MYH11: variants seen among roughly 807,000 people sequenced by gnomAD.
MYH11 encodes the protein myosin heavy chain 11.
Under a neutral mutation model 246.6 loss-of-function variants are expected in MYH11, and 80 were observed. The observed-to-expected ratio is 0.32, with a 90% CI of 0.27 to 0.39. The LOEUF (loss-of-function observed/expected upper bound fraction) is 0.39. Among genes scored for constraint, MYH11 ranks in the 10% least tolerant of loss-of-function variants. The pLI is 1.00. For synonymous variants in MYH11, 1,071 were observed against 1,015.5 expected (o/e 1.05, Z -1.04); for missense variants, 2,158 against 2,546.8 (o/e 0.85, Z 3.29).
intron 1 of MYH11, among the ~76,000 whole-genome samples, chr16:15,845,577 G>T (rs1268252762): frequency 6.6e-6 from 1 of 152,138 alleles, no homozygotes; most frequent in Non-Finnish European, 1.5e-5. Flanking sequence ...GATACGACGC[G>T]TCTTCTTTTA....
At chr16:15,846,675 C>T (rs2044198237) in intron 1 of MYH11, among the ~76,000 whole-genome samples, 1 of 152,154 alleles carries the variant, frequency 6.6e-6, no homozygotes, top group Non-Finnish European at 1.5e-5. Flanking sequence ...ACAGCAAGAC[C>T]CATCTCTAAG....
Position 15,737,544 on chromosome 16 carries a change from G to A in MYH11, c.3198C>T (p.Asp1066=), listed in dbSNP as rs757270167. The A allele has an allele frequency of 2.5e-6, 4 of 1,614,032 alleles. No individual in the cohort carries two copies. In the East Asian group the frequency reaches 6.7e-5, roughly 27 times the overall value. ...LKRKLEGDAS[D]FHEQIADLQA... Reference sequence around the variant, plus strand: ...GGAGGTCAGCGATCTGCTCGTGGAAGTCGCTGGCATCACCCTCCAGCTTCC... The same window carrying A: ...GGAGGTCAGCGATCTGCTCGTGGAAATCGCTGGCATCACCCTCCAGCTTCC... The change falls in exon 25 of 41, where the codon GAC becomes GAT. Residue 1066 remains aspartate, a synonymous_variant. Transcript: ENST00000300036.
chr16:15,717,015 A>T, intron 38 of MYH11, 125 bp downstream of exon 38: 2 of 1,013,688 alleles, frequency 2.0e-6, no homozygotes, highest in Non-Finnish European at 1.6e-6. Flanking sequence ...CCTGCACTGT[A>T]GGCATCACAG....
intron 3 of MYH11, among the ~76,000 whole-genome samples, chr16:15,803,047 G>GA (rs2042923665): frequency 6.6e-6 from 1 of 151,752 alleles, no homozygotes; most frequent in African/African-American, 2.4e-5. Context: ...TAAGGCAGGA[G>GA]AATCACTTGA....
chr16:15,844,885 A>C (rs1157352892), intron 1 of MYH11, among the ~76,000 whole-genome samples: 1 of 152,170 alleles, frequency 6.6e-6, no homozygotes, highest in Non-Finnish European at 1.5e-5. Flanking sequence ...AGAACATTTC[A>C]TAAATATAGG....
At position 15,732,547 on chromosome 16, in the gene MYH11, T is replaced by C. The variant is rs2040996567; in HGVS notation, c.3651+17A>G. ...TCTTATGTGTCATCACCAAAAAGCA[T>C]CACCAAAAAGCATTACCCTCTTGAA... On this transcript the variant is annotated intron_variant, in intron 27 of 40. Transcript: ENST00000300036. 3 of 1,614,016 alleles carry C rather than the reference T, an allele frequency of 1.9e-6. No homozygotes were observed. The highest frequency in any genetic ancestry group is 1.6e-4 in the Middle Eastern group (1 of 6,084).
At chr16:15,707,017 C>T (rs773587581) in intron 40 of MYH11, among the ~76,000 whole-genome samples, 1 of 152,094 alleles carries the variant, frequency 6.6e-6, no homozygotes, top group Non-Finnish European at 1.5e-5. Context: ...TAAAGGTTTT[C>T]TTAAAGGGTC....
rs34772774 is a variant in MYH11 at position 15,751,609 on chromosome 16, C to CTT, written c.1865-1280_1865-1279dup. Among the ~76,000 whole-genome samples, 1,013 of 116,286 alleles carry CTT rather than the reference C, an allele frequency of 8.7e-3. 57 individuals carry two copies. The highest frequency in any genetic ancestry group is 0.03 in the African/African-American group (803 of 27,174). 76.3% of individuals were successfully genotyped at this position (116,286 alleles called of 152,430 possible). On this transcript the variant is annotated intron_variant, in intron 15 of 40. Transcript: ENST00000300036. The stretch of plus-strand genomic sequence containing the variant: ...TTCTACTCAGATTCTGTGTAACAAT[C>CTT]TTTTTTTTTTTTTTTTTTTTTTGAG...
intron 3 of MYH11, among the ~76,000 whole-genome samples, chr16:15,803,873 T>A (rs1223444719): frequency 6.6e-6 from 1 of 152,154 alleles, no homozygotes; most frequent in Non-Finnish European, 1.5e-5. Flanking sequence ...CTGGGAGACC[T>A]CTGGCCTGAC....
intron 1 of MYH11, among the ~76,000 whole-genome samples, chr16:15,838,856 C>CAAAA (rs10573476): frequency 1.1e-5 from 1 of 88,890 alleles, no homozygotes; most frequent in East Asian, 3.1e-4. Flanking sequence ...GACTCCATCT[C>CAAAA]AAAAAAAAAA....
chr16:15,718,613 G>T, intron 36 of MYH11, 175 bp from the exon 37 acceptor site: 1 of 989,474 alleles, frequency 1.0e-6, no homozygotes, highest in Non-Finnish European at 1.5e-6. Flanking sequence ...GGACAGCCGG[G>T]ACTCAGGCCG....
At position 15,759,715 on chromosome 16, in the gene MYH11, A is replaced by G. The variant is rs777822332; in HGVS notation, c.1262T>C (p.Val421Ala). 13 of 1,614,064 alleles carry G rather than the reference A, an allele frequency of 8.1e-6. No individual in the cohort carries two copies. In the East Asian group the frequency reaches 2.5e-4, roughly 30 times the overall value. The change falls in exon 12 of 41, where the codon GTA becomes GCA. Residue 421 changes from valine (V) to alanine (A), a missense_variant. Transcript: ENST00000300036. ...ATATGTTGCCTTGGCCAAAGCCTCTACAGCAAAGTCAGCCTGCAGAGGGCA... is the reference window on the plus strand; with the variant it reads ...ATATGTTGCCTTGGCCAAAGCCTCTGCAGCAAAGTCAGCCTGCAGAGGGCA... ...AQTKEQADFA[V>A]EALAKATYER...
chr16:15,828,295 G>A (rs2043625304), intron 2 of MYH11, among the ~76,000 whole-genome samples: 1 of 152,156 alleles, frequency 6.6e-6, no homozygotes, highest in Non-Finnish European at 1.5e-5. Flanking sequence ...CTCAATCAAT[G>A]TTATTTAGTG....
chr16:15,735,599 A>G, intron 25 of MYH11, 21 bp from the exon 26 acceptor site: 2 of 1,613,732 alleles, frequency 1.2e-6, no homozygotes, highest in Admixed American at 1.7e-5. Context: ...GAGACCCAGC[A>G]GAATGAACCC....
At chr16:15,779,313 A>AT (rs35080541) in intron 6 of MYH11, 60 of 244,698 alleles carry the variant, frequency 2.5e-4, no homozygotes, top group South Asian at 6.0e-4. Flanking sequence ...TAATTTTTAA[A>AT]TTTTTTTTTG....
Position 15,757,988 on chromosome 16 carries a change from C to A in MYH11, c.1414G>T (p.Glu472Ter). The A allele has an allele frequency of 6.2e-7, 1 of 1,613,898 alleles. No homozygotes were observed. The highest frequency in any genetic ancestry group is 8.5e-7 in the Non-Finnish European group (1 of 1,180,024). ...GFEIFEVNSF[E>*]QLCINYTNEK... Reference sequence around the variant, plus strand: ...TTGGTGTAGTTGATGCACAGCTGCTCGAAGGAGTTCACCTGAGCACATGGC... The same window carrying A: ...TTGGTGTAGTTGATGCACAGCTGCTAGAAGGAGTTCACCTGAGCACATGGC... The change falls in exon 13 of 41, where the codon GAG becomes TAG. Residue 472 changes from glutamate to a stop codon, truncating the protein, a stop_gained. Transcript: ENST00000300036. LOFTEE classifies it high-confidence loss of function.
chr16:15,779,740 A>G (rs1396326186), intron 6 of MYH11, among the ~76,000 whole-genome samples: 1 of 152,194 alleles, frequency 6.6e-6, no homozygotes, highest in Non-Finnish European at 1.5e-5. Flanking sequence ...TAGAGGCTCA[A>G]CAAGTATCTC....
At chr16:15,759,789 A>G in intron 11 of MYH11, 61 bp from the exon 12 acceptor site, 1 of 1,600,444 alleles carries the variant, frequency 6.2e-7, no homozygotes, top group Non-Finnish European at 8.5e-7. Flanking sequence ...CACATAAGCC[A>G]GGCTGGTGGT....
chr16:15,837,289 G>A (rs2043922043), intron 2 of MYH11, among the ~76,000 whole-genome samples: 1 of 152,168 alleles, frequency 6.6e-6, no homozygotes, highest in African/African-American at 2.4e-5. Context: ...GAGGAAGGAA[G>A]GACAGAGAAC....
Sources: gnomAD v4.1 joint callset for allele counts (sites outside exome capture counted in the v4.1 genomes callset) on GRCh38, gnomAD v4.1.1 for gene constraint, MANE v1.5 for transcripts, NCBI Gene and HGNC (gene_info 2026-07-23, HGNC 2026-07-21) for gene names.